The following NTM variants were observed in gnomAD, a reference collection of about 807,000 sequenced individuals.
The protein encoded by NTM is neurotrimin.
Under a neutral mutation model 42.1 loss-of-function variants are expected in NTM, and 13 were observed. The observed-to-expected ratio is 0.31, with a 90% CI of 0.20 to 0.49. The LOEUF is 0.49. Ranked by LOEUF, NTM falls within the 20% of genes least tolerant of loss-of-function variation. The pLI is 0.99. For synonymous variants in NTM, 187 were observed against 179.2 expected (o/e 1.04, Z -0.35); for missense variants, 373 against 452.8 (o/e 0.82, Z 1.60).
intron 1 of NTM, among the ~76,000 whole-genome samples, chr11:131,699,733 G>A (rs923655836): frequency 6.6e-6 from 1 of 152,022 alleles, no homozygotes; most frequent in Non-Finnish European, 1.5e-5. Flanking sequence ...CAAAAGGGGG[G>A]AAAAGTCCCT....
At chr11:131,942,937 C>A (rs1346850393) in intron 2 of NTM, among the ~76,000 whole-genome samples, 2 of 81,878 alleles carry the variant, frequency 2.4e-5, no homozygotes, top group Non-Finnish European at 4.4e-5. Flanking sequence ...GAGAGTGAGA[C>A]CCTGTCTCAA....
chr11:131,455,680 G>A (rs893554980), intron 1 of NTM, among the ~76,000 whole-genome samples: 4 of 152,110 alleles, frequency 2.6e-5, no homozygotes, highest in African/African-American at 9.7e-5. Flanking sequence ...TTATACGAGG[G>A]GTCTGGATGT....
intron 1 of NTM, among the ~76,000 whole-genome samples, chr11:131,563,816 A>AT (rs2056537586): frequency 6.6e-6 from 1 of 151,088 alleles, no homozygotes; most frequent in Non-Finnish European, 1.5e-5. Context: ...CTCCTTTTTG[A>AT]TTTTCTGTCC....
intron 1 of NTM, among the ~76,000 whole-genome samples, chr11:131,609,224 G>T (rs535657764): frequency 6.6e-6 from 1 of 152,332 alleles, no homozygotes; most frequent in South Asian, 2.1e-4. Flanking sequence ...CCTGAGGCAC[G>T]CAGGCACTAC....
chr11:132,014,563 G>A (rs1467722609), intron 2 of NTM, among the ~76,000 whole-genome samples: 1 of 151,710 alleles, frequency 6.6e-6, no homozygotes. Flanking sequence ...TTGTCTTTTT[G>A]ATAATAACCA....
At position 131,740,453 on chromosome 11, in the gene NTM, C is replaced by A. The variant is rs556272080; in HGVS notation, c.83-171111C>A. 3.9e-5 allele frequency among the ~76,000 whole-genome samples: 6 copies of A among 152,224 alleles called. No homozygotes were observed. The South Asian group carries it at 1.2e-3, about 32-fold the overall frequency. On this transcript the variant is annotated intron_variant, in intron 1 of 8. Transcript: ENST00000683400. ...ATTTTATTAGTTTTAGCTTATTATCCACAAAATAGTTCTTACCTACTAATT... is the reference window on the plus strand; with the variant it reads ...ATTTTATTAGTTTTAGCTTATTATCAACAAAATAGTTCTTACCTACTAATT...
intron 1 of NTM, among the ~76,000 whole-genome samples, chr11:131,873,023 T>TG (rs2047959511): frequency 6.6e-6 from 1 of 152,182 alleles, no homozygotes; most frequent in Non-Finnish European, 1.5e-5. Flanking sequence ...CCTGACTTTT[T>TG]AATGATCGCC....
At chr11:131,497,047 G>A (rs1355712422) in intron 1 of NTM, among the ~76,000 whole-genome samples, 1 of 152,164 alleles carries the variant, frequency 6.6e-6, no homozygotes, top group Non-Finnish European at 1.5e-5. Context: ...TCACAGTGAG[G>A]CTGTTCAGGT....
At chr11:131,633,278 AT>A (rs927330720) in intron 1 of NTM, among the ~76,000 whole-genome samples, 5 of 152,070 alleles carry the variant, frequency 3.3e-5, no homozygotes, top group African/African-American at 1.2e-4. Flanking sequence ...TCTGTCGATG[AT>A]TTTCCCTTCC....
chr11:131,960,988 C>T (rs2062102682), intron 2 of NTM, among the ~76,000 whole-genome samples: 2 of 152,180 alleles, frequency 1.3e-5, no homozygotes, highest in South Asian at 2.1e-4. Flanking sequence ...GCGTCTTCAA[C>T]CTACTGGCCA....
chr11:131,870,005 C>T (rs1460685602), intron 1 of NTM, among the ~76,000 whole-genome samples: 1 of 152,210 alleles, frequency 6.6e-6, no homozygotes, highest in East Asian at 1.9e-4. Context: ...GCTAATTTTA[C>T]AAGATGGAAA....
At chr11:131,565,656 T>A (rs2056805571) in intron 1 of NTM, among the ~76,000 whole-genome samples, 1 of 152,206 alleles carries the variant, frequency 6.6e-6, no homozygotes. Context: ...GTTCTCCATT[T>A]TTAGAGCAAA....
chr11:132,254,944 T>A (rs2092350085), intron 4 of NTM, among the ~76,000 whole-genome samples: 1 of 152,178 alleles, frequency 6.6e-6, no homozygotes, highest in Non-Finnish European at 1.5e-5. Context: ...AACAAGCACA[T>A]CCCAATTGTG....
intron 1 of NTM, among the ~76,000 whole-genome samples, chr11:131,473,532 G>T (rs112949650): frequency 4.6e-5 from 7 of 152,114 alleles, no homozygotes; most frequent in Non-Finnish European, 1.0e-4. Flanking sequence ...AAAGAGGCAG[G>T]GATAAGCAGG....
intron 3 of NTM, among the ~76,000 whole-genome samples, chr11:132,165,802 GTCT>G (rs746173956): frequency 1.8e-4 from 27 of 152,240 alleles, no homozygotes; most frequent in South Asian, 6.2e-4. Context: ...TCTTGCAGAG[GTCT>G]TCTTCTTTTA....
At chr11:132,016,420 A>G (rs977485087) in intron 2 of NTM, among the ~76,000 whole-genome samples, 4 of 151,970 alleles carry the variant, frequency 2.6e-5, no homozygotes, top group African/African-American at 9.7e-5. Flanking sequence ...ACACTTATAT[A>G]AATAGAATCA....
chr11:131,575,134 A>T (rs2057807350), intron 1 of NTM, among the ~76,000 whole-genome samples: 1 of 152,216 alleles, frequency 6.6e-6, no homozygotes, highest in Non-Finnish European at 1.5e-5. Flanking sequence ...TCGCCAGTTT[A>T]GGAAATTGCT....
rs550650892 is a variant in NTM, at chr11:131,737,613, G to A, written c.83-173951G>A. On this transcript the variant is annotated intron_variant, in intron 1 of 8. Transcript: ENST00000683400. ...CCCTGTTTCTGGGGGAAGATGAATA[G>A]ATCTGGGTTTTGCAATGTCCGTGCT... Among the ~76,000 whole-genome samples the A allele has an allele frequency of 3.3e-5, 5 of 152,276 alleles. No individual in the cohort carries two copies. The South Asian group carries it at 1.0e-3, about 32-fold the overall frequency.
At chr11:132,227,389 G>A (rs2086537676) in intron 4 of NTM, among the ~76,000 whole-genome samples, 1 of 152,022 alleles carries the variant, frequency 6.6e-6, no homozygotes, top group Non-Finnish European at 1.5e-5. Context: ...AGGGAGAATG[G>A]GTTAAAGAAG....
Sources: allele counts gnomAD v4.1 joint callset (sites outside exome capture counted in the v4.1 genomes callset), GRCh38; gene constraint gnomAD v4.1.1; transcripts MANE v1.5; gene names NCBI Gene and HGNC (gene_info 2026-07-23, HGNC 2026-07-21).